The following PCDH15 variants were observed in gnomAD, a reference collection of about 807,000 sequenced individuals.
PCDH15 encodes the protein protocadherin-15.
PCDH15 carries 129 observed loss-of-function variants against 178.5 expected under a neutral mutation model. The ratio of observed to expected loss-of-function variants is 0.72; its 90% CI spans 0.63 to 0.84. PCDH15 has a LOEUF of 0.84. Among genes scored for constraint, PCDH15 ranks in the 40% least tolerant of loss-of-function variants. PCDH15 has a pLI of 0.00. For missense variants in PCDH15, 2,230 were observed against 2,099.9 expected (o/e 1.06, Z -1.21); for synonymous variants, 800 against 732.0 (o/e 1.09, Z -1.50).
At chr10:54,902,788 T>G (rs1954658809) in intron 2 of PCDH15, among the ~76,000 whole-genome samples, 1 of 152,136 alleles carries the variant, frequency 6.6e-6, no homozygotes, top group Non-Finnish European at 1.5e-5. Flanking sequence ...GTTTGTACCT[T>G]GGTTGCATCT....
At chr10:55,004,185 A>T (rs1839868043) in intron 2 of PCDH15, among the ~76,000 whole-genome samples, 1 of 152,138 alleles carries the variant, frequency 6.6e-6, no homozygotes, top group Non-Finnish European at 1.5e-5. Flanking sequence ...TCAGAAGAAA[A>T]CTATATAATT....
chr10:54,324,432 T>C (rs894993593), intron 7 of PCDH15, among the ~76,000 whole-genome samples: 3 of 152,146 alleles, frequency 2.0e-5, no homozygotes, highest in Admixed American at 6.6e-5. Flanking sequence ...ATTCATAAAA[T>C]AATTTAGAAA....
intron 2 of PCDH15, among the ~76,000 whole-genome samples, chr10:55,417,264 TCAC>T (rs1201339057): frequency 6.6e-6 from 1 of 151,604 alleles, no homozygotes; most frequent in Non-Finnish European, 1.5e-5. Context: ...AAATAAAAAT[TCAC>T]CAAATCATAG....
intron 3 of PCDH15, among the ~76,000 whole-genome samples, chr10:54,408,592 C>T (rs1286019703): frequency 6.6e-6 from 1 of 152,130 alleles, no homozygotes; most frequent in East Asian, 1.9e-4. Context: ...GATCAGCTTA[C>T]ACAAAACTTA....
At chr10:54,946,765 T>C (rs560787293) in intron 2 of PCDH15, among the ~76,000 whole-genome samples, 26 of 152,028 alleles carry the variant, frequency 1.7e-4, no homozygotes, top group African/African-American at 6.0e-4. Flanking sequence ...GGAGCAATTG[T>C]ATGAGATGGA....
At chr10:54,389,582 G>T (rs1176555046) in intron 3 of PCDH15, among the ~76,000 whole-genome samples, 1 of 152,064 alleles carries the variant, frequency 6.6e-6, no homozygotes, top group African/African-American at 2.4e-5. Flanking sequence ...CGTATTTGCG[G>T]CTCCATCCCA....
At chr10:54,566,511 ACC>A (rs1455971891) in intron 2 of PCDH15, among the ~76,000 whole-genome samples, 2 of 151,992 alleles carry the variant, frequency 1.3e-5, no homozygotes, top group Non-Finnish European at 2.9e-5. Context: ...CCTGACCACA[ACC>A]CCCTGACAAT....
chr10:54,282,628 C>T (rs186758460), intron 8 of PCDH15, among the ~76,000 whole-genome samples: 8 of 151,976 alleles, frequency 5.3e-5, no homozygotes, highest in Non-Finnish European at 1.0e-4. Context: ...GAGATTTAAA[C>T]TAATAGAGGC....
chr10:54,227,657 C>A (rs937125338), intron 9 of PCDH15, among the ~76,000 whole-genome samples: 3 of 152,180 alleles, frequency 2.0e-5, no homozygotes, highest in African/African-American at 7.2e-5. Context: ...ATGAGATTTT[C>A]TTTTCTATCA....
chr10:55,335,785 T>C (rs1484655370), intron 2 of PCDH15, among the ~76,000 whole-genome samples: 6 of 152,162 alleles, frequency 3.9e-5, no homozygotes, highest in African/African-American at 1.4e-4. Flanking sequence ...AAAGATGACC[T>C]TTCTCTTGAG....
rs542118474 is a variant in PCDH15, at chr10:53,825,388, C to G, written c.4367+2005G>C. 3.2e-4 allele frequency among the ~76,000 whole-genome samples: 44 copies of G among 136,574 alleles called. 1 individual carries two copies. The highest frequency in any genetic ancestry group is 1.4e-3 in the African/African-American group (43 of 31,290). The allele number at this position is 136,574 out of a possible 152,430, so 89.6% of individuals were successfully genotyped here. On this transcript the variant is annotated intron_variant, in intron 32 of 37. Transcript: ENST00000644397. Reference sequence around the variant, plus strand: ...CACAGAAAATTGTATCTAATAAAGTCTGTTTACTATACATAGATAAAAATT... The same window carrying G: ...CACAGAAAATTGTATCTAATAAAGTGTGTTTACTATACATAGATAAAAATT...
At chr10:55,524,642 T>C (rs1278560133) in intron 2 of PCDH15, among the ~76,000 whole-genome samples, 11 of 151,608 alleles carry the variant, frequency 7.3e-5, no homozygotes, top group Admixed American at 6.6e-4. Context: ...CCATATCACT[T>C]GTAAATATCC....
chr10:55,620,796 T>G (rs1388984834), intron 2 of PCDH15, among the ~76,000 whole-genome samples: 5 of 151,420 alleles, frequency 3.3e-5, no homozygotes, highest in Non-Finnish European at 5.9e-5. Flanking sequence ...ATATTAAGTT[T>G]TAAGAACTCA....
intron 3 of PCDH15, among the ~76,000 whole-genome samples, chr10:54,828,321 T>A (rs190307181): frequency 1.8e-4 from 27 of 152,032 alleles, no homozygotes; most frequent in African/African-American, 6.3e-4. Context: ...AGGAAATAAA[T>A]GGTGGATCCA....
intron 18 of PCDH15, among the ~76,000 whole-genome samples, chr10:54,049,292 T>C (rs564481105): frequency 1.1e-4 from 17 of 152,172 alleles, no homozygotes; most frequent in Non-Finnish European, 2.5e-4. Context: ...GTTTTCTAGG[T>C]ATAGAATAAT....
chr10:54,341,241 T>A (rs1169627803), intron 6 of PCDH15, among the ~76,000 whole-genome samples: 1 of 152,042 alleles, frequency 6.6e-6, no homozygotes, highest in Non-Finnish European at 1.5e-5. Flanking sequence ...CAAATTGTAA[T>A]CCCCATGTAT....
At position 53,857,619 on chromosome 10, in the gene PCDH15, G is replaced by A. The variant is rs111227001; in HGVS notation, c.3718-356C>T. ...GAACACCCAAGATAATGAAAAATAC[G>A]TTTTATATTTTACAAGTCTTGAGAA... On this transcript the variant is annotated intron_variant, in intron 27 of 37. Coordinates refer to ENST00000644397, the MANE Select transcript of PCDH15 (RefSeq NM_001384140.1). Among the ~76,000 whole-genome samples the A allele has an allele frequency of 6.6e-3, 999 of 151,928 alleles. 12 individuals carry two copies. Among genetic ancestry groups the A allele is most frequent in the African/African-American group, 0.022 (897 of 41,462 alleles).
At chr10:54,395,547 ATATAAT>A (rs1255958017) in intron 3 of PCDH15, among the ~76,000 whole-genome samples, 2 of 151,934 alleles carry the variant, frequency 1.3e-5, no homozygotes, top group East Asian at 3.9e-4. Flanking sequence ...AGTCATTTAG[ATATAAT>A]TATAATACGC....
chr10:55,422,672 G>A (rs375321188), intron 2 of PCDH15, among the ~76,000 whole-genome samples: 4 of 151,802 alleles, frequency 2.6e-5, no homozygotes, highest in African/African-American at 9.7e-5. Flanking sequence ...ATTGAGTTCA[G>A]GTTTTGTTAG....
Sources: gnomAD v4.1 joint callset for allele counts (sites outside exome capture counted in the v4.1 genomes callset) on GRCh38, gnomAD v4.1.1 for gene constraint, MANE v1.5 for transcripts, NCBI Gene and HGNC (gene_info 2026-07-23, HGNC 2026-07-21) for gene names.